The following ABL1 variants were observed in gnomAD, a reference collection of about 807,000 sequenced individuals.
ABL1 encodes the protein ABL proto-oncogene 1, non-receptor tyrosine kinase.
A neutral mutation model predicts 94.7 loss-of-function variants in ABL1; 11 were observed. The observed-to-expected ratio is 0.12, with a 90% CI of 0.07 to 0.19. The LOEUF (loss-of-function observed/expected upper bound fraction) is 0.19, where lower values mean the gene tolerates loss of function less well. ABL1 is among the 10% of genes least tolerant of loss of function. The probability of loss-of-function intolerance (pLI) is 1.00; values close to 1 mark genes in which losing one functional copy is unlikely to be tolerated. For synonymous variants in ABL1, 656 were observed against 622.4 expected (o/e 1.05, Z -0.80); for missense variants, 1,082 against 1,489.4 (o/e 0.73, Z 4.50).
In ABL1 at chr9:130,885,752, G is replaced by C; in HGVS notation, c.*69G>C. Reference sequence around the variant, plus strand: ...AGCACATGCGGGCTCGCCCATACCCGTGACAGTGGCTGACAAGGGACTAGT... The same window carrying C: ...AGCACATGCGGGCTCGCCCATACCCCTGACAGTGGCTGACAAGGGACTAGT... On this transcript the variant is annotated 3_prime_UTR_variant, in exon 11 of 11. Coordinates refer to ENST00000318560, the MANE Select transcript of ABL1 (RefSeq NM_005157.6). 2.0e-6 allele frequency: 3 copies of C among 1,527,228 alleles called. No homozygotes were observed. The highest frequency in any genetic ancestry group is 2.6e-6 in the Non-Finnish European group (3 of 1,138,034). 94.6% of individuals were successfully genotyped at this position (1,527,228 alleles called of 1,614,324 possible).
intron 10 of ABL1, among the ~76,000 whole-genome samples, chr9:130,881,569 T>C (rs34063659): frequency 0.014 from 2,149 of 152,224 alleles, 40 homozygotes; most frequent in African/African-American, 0.049. Context: ...ACCACGAGAA[T>C]GTGGGAGAAA....
chr9:130,881,680 T>C (rs1337407217), intron 10 of ABL1, among the ~76,000 whole-genome samples: 3 of 152,110 alleles, frequency 2.0e-5, no homozygotes, highest in Admixed American at 2.0e-4. Flanking sequence ...CCAACCCATA[T>C]TGGAGGTGGG....
chr9:130,805,021 G>C (rs1564294942), intron 1 of ABL1, among the ~76,000 whole-genome samples: 1 of 152,176 alleles, frequency 6.6e-6, no homozygotes, highest in Non-Finnish European at 1.5e-5. Context: ...TTGTTCTGAA[G>C]TTAATATGTC....
chr9:130,801,079 G>C (rs150051927), intron 1 of ABL1, among the ~76,000 whole-genome samples: 2 of 151,810 alleles, frequency 1.3e-5, no homozygotes, highest in African/African-American at 2.4e-5. Context: ...ACAGGGGCCC[G>C]CCACCACACC....
At chr9:130,839,190 A>G (rs1211105626) in intron 1 of ABL1, among the ~76,000 whole-genome samples, 2 of 152,068 alleles carry the variant, frequency 1.3e-5, no homozygotes, top group Non-Finnish European at 2.9e-5. Flanking sequence ...GCCTCCCCAA[A>G]GTGCATCCCT....
chr9:130,846,754 C>A (rs998008197), intron 1 of ABL1, among the ~76,000 whole-genome samples: 1 of 152,252 alleles, frequency 6.6e-6, no homozygotes, highest in Non-Finnish European at 1.5e-5. Flanking sequence ...CCTTCCCTGA[C>A]TGTTCGCCAG....
At chr9:130,766,746 G>C (rs886778709) in intron 1 of ABL1, among the ~76,000 whole-genome samples, 2 of 152,098 alleles carry the variant, frequency 1.3e-5, no homozygotes, top group African/African-American at 2.4e-5. Context: ...CTGCTCTGCT[G>C]TCAGGGCTAC....
Position 130,835,373 on chromosome 9 carries a change from G to T in ABL1, c.-74G>T, listed in dbSNP as rs1830552561. The T allele has an allele frequency of 1.6e-5, 15 of 967,220 alleles. No homozygotes were observed. Among genetic ancestry groups the T allele is most frequent in the Non-Finnish European group, 1.9e-5 (14 of 755,750 alleles). The allele number at this position is 967,220 out of a possible 1,614,324, so 59.9% of individuals were successfully genotyped here. ...GGGGCGCCGGGGGGGCGCGCGGGCC[G>T]AGCCGGGCCTGAGCCGGGCCCGCGG... On this transcript the variant is annotated 5_prime_UTR_variant, in exon 1 of 11. Transcript: ENST00000318560. This position sits in a 1 kb window ranked among gnomAD's most constrained non-coding sequence, Gnocchi z 4.6.
rs764050050 is a variant in ABL1, at chr9:130,872,538, A to G, written c.908-322A>G. Reference sequence around the variant, plus strand: ...CTGAAGTGATTCTGTAAGTAGACACATAACCATCAGACCTAACCATTCAGG... The same window carrying G: ...CTGAAGTGATTCTGTAAGTAGACACGTAACCATCAGACCTAACCATTCAGG... On this transcript the variant is annotated intron_variant, in intron 5 of 10. Coordinates refer to ENST00000318560, the MANE Select transcript of ABL1 (RefSeq NM_005157.6). The surrounding 1 kb of genome is among the most constrained non-coding windows in gnomAD (Gnocchi z 5.0). Among the ~76,000 whole-genome samples the G allele has an allele frequency of 2.0e-5, 3 of 152,256 alleles. No individual in the cohort carries two copies. The highest frequency in any genetic ancestry group is 4.4e-5 in the Non-Finnish European group (3 of 68,040).
At chr9:130,787,356 TTG>T (rs147244425) in intron 1 of ABL1, among the ~76,000 whole-genome samples, 9 of 151,722 alleles carry the variant, frequency 5.9e-5, no homozygotes, top group Non-Finnish European at 4.4e-5. Context: ...GTGTGTGTGT[TTG>T]TGTGTGTGTG....
Position 130,874,963 on chromosome 9 carries a change from C to T in ABL1, c.1181C>T (p.Thr394Ile), listed in dbSNP as rs2133003408. 1 of 1,614,220 alleles carries T rather than the reference C, an allele frequency of 6.2e-7. No individual in the cohort carries two copies. ...LSRLMTGDTYTAHAGAKFPIK... is the reference protein window; with the variant it reads ...LSRLMTGDTYIAHAGAKFPIK... ...AGGTTGATGACAGGGGACACCTACA[C>T]AGCCCATGCTGGAGCCAAGTTCCCC... The change falls in exon 7 of 11, where the codon ACA (threonine) becomes ATA (isoleucine). Residue 394 changes from threonine to isoleucine, a missense_variant. Thr to Ile is a moderately conservative substitution (Grantham distance 89). Transcript: ENST00000318560.
intron 6 of ABL1, among the ~76,000 whole-genome samples, chr9:130,874,195 C>A (rs34006164): frequency 0.01 from 1,532 of 152,292 alleles, 31 homozygotes; most frequent in African/African-American, 0.032. Context: ...CTTGTGATTT[C>A]ATGGTTAATG....
At position 130,744,424 on chromosome 9, in the gene ABL1, A is replaced by G. The variant is rs528633743; in HGVS notation, c.136+29969A>G. 5.3e-5 allele frequency among the ~76,000 whole-genome samples: 8 copies of G among 150,558 alleles called. No individual in the cohort carries two copies. The East Asian group carries it at 6.1e-4, about 11-fold the overall frequency. On this transcript the variant is annotated intron_variant, in intron 1 of 10. Transcript: ENST00000372348. Reference sequence around the variant, plus strand: ...CCAAAGTGCTGGGATTACAGGGGTGAGCCACCACGCCTGGCCCCTTCTTGT... The same window carrying G: ...CCAAAGTGCTGGGATTACAGGGGTGGGCCACCACGCCTGGCCCCTTCTTGT...
At chr9:130,721,946 C>T (rs566407093) in intron 1 of ABL1, among the ~76,000 whole-genome samples, 6 of 151,500 alleles carry the variant, frequency 4.0e-5, no homozygotes, top group African/African-American at 1.4e-4. Context: ...CTGCCTCAGC[C>T]TAATTTTTTG....
chr9:130,828,344 AGGCAT>A (rs1564302386), intron 1 of ABL1, among the ~76,000 whole-genome samples: 2 of 152,190 alleles, frequency 1.3e-5, no homozygotes, highest in Admixed American at 6.5e-5. Context: ...CTGGGATTAT[AGGCAT>A]GAGCCACCAC....
At chr9:130,832,226 C>T (rs543885045), upstream of ABL1, among the ~76,000 whole-genome samples, 15 of 150,450 alleles carry the variant, frequency 1.0e-4, no homozygotes, top group East Asian at 2.5e-3. Flanking sequence ...CAGGTTCAAG[C>T]AATTCTCTGC....
intron 1 of ABL1, among the ~76,000 whole-genome samples, chr9:130,723,848 G>A (rs780019878): frequency 6.6e-6 from 1 of 151,344 alleles, no homozygotes; most frequent in Admixed American, 6.6e-5. Context: ...GTCTCGCTCT[G>A]TCACCCAGGC....
rs60206110 is a variant in ABL1 at position 130,751,129 on chromosome 9, C to CTTTTTTTTTTTT, written c.136+36693_136+36704dup. Among the ~76,000 whole-genome samples the CTTTTTTTTTTTT allele has an allele frequency of 8.5e-4, 49 of 57,486 alleles. 13 individuals are homozygous for CTTTTTTTTTTTT. The highest frequency in any genetic ancestry group is 4.8e-3 in the East Asian group (7 of 1,452). The allele number at this position is 57,486 out of a possible 152,430, so 37.7% of individuals were successfully genotyped here. On this transcript the variant is annotated intron_variant, in intron 1 of 10. Transcript: ENST00000372348. Reference sequence around the variant, plus strand: ...TTTGAAACTTGTTTTTTTTATTCAGCTTTTTTTTTTTTTTTTTTTTTTTTT... The same window carrying CTTTTTTTTTTTT: ...TTTGAAACTTGTTTTTTTTATTCAGCTTTTTTTTTTTTTTTTTTTTTTTTTTTTTTTTTTTTT...
Position 130,855,038 on chromosome 9 carries a change from C to T in ABL1, c.491C>T (p.Ser164Leu), listed in dbSNP as rs764838466. 6.2e-7 allele frequency: 1 copy of T among 1,614,194 alleles called. No individual in the cohort carries two copies. Among genetic ancestry groups the T allele is most frequent in the Non-Finnish European group, 8.5e-7 (1 of 1,180,048 alleles). Residue 164 changes from serine (S) to leucine (L), a missense_variant, in exon 3 of 11, where the codon TCG becomes TTG. Ser to Leu is a moderately radical substitution (Grantham distance 145). Transcript: ENST00000318560. The part of the protein sequence containing the change: ...SESSPGQRSI[S>L]LRYEGRVYHY... ...AGCAGTCCTGGCCAGAGGTCCATCT[C>T]GCTGAGATACGAAGGGAGGGTGTAC...
Sources: allele counts gnomAD v4.1 joint callset (sites outside exome capture counted in the v4.1 genomes callset), GRCh38; gene constraint gnomAD v4.1.1; non-coding constraint Gnocchi (gnomAD v3.1); transcripts MANE v1.5; gene names NCBI Gene and HGNC (gene_info 2026-07-23, HGNC 2026-07-21).